IMPG2: variants seen among roughly 807,000 people sequenced by gnomAD.
IMPG2 encodes IPM 200.
Under a neutral mutation model 129.2 loss-of-function variants are expected in IMPG2, and 91 were observed. The ratio of observed to expected loss-of-function variants is 0.70; its 90% CI spans 0.59 to 0.84. The LOEUF is 0.84. Ranked by LOEUF, IMPG2 falls within the 40% of genes least tolerant of loss-of-function variation. IMPG2 has a pLI of 0.00. For missense variants in IMPG2, 1,430 were observed against 1,461.7 expected (o/e 0.98, Z 0.35); for synonymous variants, 510 against 517.7 (o/e 0.99, Z 0.20).
At chr3:101,238,810 A>G (rs1706375063) in intron 14 of IMPG2, among the ~76,000 whole-genome samples, 1 of 152,218 alleles carries the variant, frequency 6.6e-6, no homozygotes, top group South Asian at 2.1e-4. Context: ...AACTGCATCT[A>G]CTAACGGGCA....
Position 101,319,724 on chromosome 3 carries a change from G to T in IMPG2, c.194C>A (p.Pro65His). 6.2e-7 allele frequency: 1 copy of T among 1,613,644 alleles called. No individual in the cohort carries two copies. The highest frequency in any genetic ancestry group is 1.1e-5 in the South Asian group (1 of 91,070). The change falls in exon 2 of 19, where the codon CCT (proline) becomes CAT (histidine). Residue 65 changes from proline to histidine, a missense_variant. Physicochemically the swap from Pro to His is moderately conservative, Grantham distance 77 (BLOSUM62 -2). Coordinates refer to ENST00000193391, the MANE Select transcript of IMPG2 (RefSeq NM_016247.4). ...TCTTTCAGTTTCTCTGCGGTCCAGA[G>T]GCTGTTTCTTTTTGGTAGCTAGAGA... is the stretch of plus-strand genomic sequence containing the variant. ...DLSLATKKKQ[P>H]LDRRETERQW...
rs753379634 is a variant in IMPG2, at chr3:101,269,539, T to C, written c.863A>G (p.Lys288Arg). The stretch of plus-strand genomic sequence containing the variant: ...CCTAAATTCAAGTACACGAATTTCC[T>C]TGTAGCCTGGTAACCCAGTAAATGC... Reference protein sequence around the residue: ...ENAFTGLPGYKEIRVLEFRSP... With the variant: ...ENAFTGLPGYREIRVLEFRSP... The change falls in exon 8 of 19, where the codon AAG (lysine) becomes AGG (arginine). Residue 288 changes from lysine to arginine, a missense_variant. Lys to Arg is a conservative substitution (Grantham distance 26). Transcript: ENST00000193391. 6.3e-6 allele frequency: 10 copies of C among 1,594,932 alleles called. No homozygotes were observed. Among genetic ancestry groups the C allele is most frequent in the Non-Finnish European group, 8.6e-6 (10 of 1,162,836 alleles).
intron 9 of IMPG2, among the ~76,000 whole-genome samples, chr3:101,265,556 G>A (rs1350497013): frequency 1.3e-5 from 2 of 152,010 alleles, no homozygotes; most frequent in African/African-American, 2.4e-5. Context: ...ACTCAAAATA[G>A]ATCAAAGACC....
intron 4 of IMPG2, among the ~76,000 whole-genome samples, chr3:101,289,467 A>C (rs898079939): frequency 3.3e-5 from 5 of 152,196 alleles, no homozygotes; most frequent in African/African-American, 1.2e-4. Flanking sequence ...TAAAATATCT[A>C]GTATACTGTA....
chr3:101,298,353 T>A (rs1707103421), intron 3 of IMPG2, among the ~76,000 whole-genome samples: 1 of 151,826 alleles, frequency 6.6e-6, no homozygotes, highest in Non-Finnish European at 1.5e-5. Flanking sequence ...TTTATCCAAT[T>A]TGCCTGTCTG....
intron 2 of IMPG2, among the ~76,000 whole-genome samples, chr3:101,309,034 T>C (rs1185450530): frequency 1.3e-5 from 2 of 152,106 alleles, no homozygotes; most frequent in Admixed American, 1.3e-4. Context: ...ACATAGTGAG[T>C]CACCTTTATT....
At chr3:101,229,339 A>C in intron 17 of IMPG2, 41 bp downstream of exon 17, 1 of 801,618 alleles carries the variant, frequency 1.2e-6, no homozygotes, top group Non-Finnish European at 1.9e-6. Context: ...CACACACACC[A>C]GCAGTAGCTG....
At position 101,245,944 on chromosome 3, in the gene IMPG2, G is replaced by C; in HGVS notation, c.1401C>G (p.Pro467=). 1 of 1,614,114 alleles carries C rather than the reference G, an allele frequency of 6.2e-7. No individual in the cohort carries two copies. The highest frequency in any genetic ancestry group is 1.1e-5 in the South Asian group (1 of 91,084). ...DLVSTHKLAF[P]SKMGLSSSPE... is the part of the protein sequence containing the mutation. ...GGGAAGAGCTGAGGCCCATCTTCGA[G>C]GGAAAGGCTAATTTGTGTGTAGACA... The change falls in exon 12 of 19, where the codon CCC becomes CCG. Residue 467 remains proline (P), a synonymous_variant. Coordinates refer to ENST00000193391, the MANE Select transcript of IMPG2 (RefSeq NM_016247.4).
intron 2 of IMPG2, among the ~76,000 whole-genome samples, chr3:101,307,970 A>AGAAATTGGCC (rs1205225228): frequency 1.3e-5 from 2 of 152,204 alleles, no homozygotes; most frequent in African/African-American, 4.8e-5. Context: ...TGCAAATGGG[A>AGAAATTGGCC]GAAATTGGCC....
At chr3:101,310,580 AAAAAAAAAAG>A (rs1243982365) in intron 2 of IMPG2, among the ~76,000 whole-genome samples, 12 of 62,734 alleles carry the variant, frequency 1.9e-4, no homozygotes, top group Non-Finnish European at 3.3e-4. Context: ...AAAAAAAAAA[AAAAAAAAAAG>A]ATGGTTACAG....
chr3:101,245,074 GCT>G (rs1406595930), intron 12 of IMPG2, among the ~76,000 whole-genome samples: 2 of 151,574 alleles, frequency 1.3e-5, no homozygotes, highest in South Asian at 4.2e-4. Context: ...ATAAAGAACT[GCT>G]GGTAGTAATT....
chr3:101,228,772 G>A (rs747179541), intron 18 of IMPG2, 25 bp downstream of exon 18: 1 of 1,584,096 alleles, frequency 6.3e-7, no homozygotes, highest in South Asian at 1.1e-5. Context: ...GTAGGTCGGG[G>A]TGGGGGGCTG....
At chr3:101,289,651 C>A (rs547346355) in intron 4 of IMPG2, among the ~76,000 whole-genome samples, 2 of 151,782 alleles carry the variant, frequency 1.3e-5, no homozygotes, top group Admixed American at 6.6e-5. Flanking sequence ...AAGAGCCTTG[C>A]GGGTCATGTT....
At chr3:101,264,508 T>C (rs189448642) in intron 9 of IMPG2, among the ~76,000 whole-genome samples, 1 of 152,072 alleles carries the variant, frequency 6.6e-6, no homozygotes, top group African/African-American at 2.4e-5. Context: ...CATGCCTTCA[T>C]GATTAAAACC....
At chr3:101,256,197 G>GAAAGAAAGA (rs1706604384) in intron 10 of IMPG2, among the ~76,000 whole-genome samples, 1 of 148,498 alleles carries the variant, frequency 6.7e-6, no homozygotes, top group African/African-American at 2.5e-5. Flanking sequence ...AAGAAAGAAA[G>GAAAGAAAGA]AAAGAAAGAA....
At chr3:101,277,450 T>A (rs1293999537) in intron 4 of IMPG2, among the ~76,000 whole-genome samples, 2 of 152,230 alleles carry the variant, frequency 1.3e-5, no homozygotes, top group Admixed American at 1.3e-4. Context: ...GTTACAGTCT[T>A]ATAGAAATTA....
Position 101,273,674 on chromosome 3 carries a change from G to T in IMPG2, c.735C>A (p.Phe245Leu). 2 of 1,614,076 alleles carry T rather than the reference G, an allele frequency of 1.2e-6. No individual in the cohort carries two copies. Among genetic ancestry groups the T allele is most frequent in the Non-Finnish European group, 1.7e-6 (2 of 1,179,954 alleles). Residue 245 changes from phenylalanine (F) to leucine (L), a missense_variant, in exon 7 of 19, where the codon TTC (phenylalanine) becomes TTA (leucine). Coordinates refer to ENST00000193391, the MANE Select transcript of IMPG2 (RefSeq NM_016247.4). ...ACTGCTTCCCCAAAAGGTGGATACT[G>T]AATTCTGCAATCTGTTCACCTGCTG... ...TKPAGEQIAE[F>L]SIHLLGKQYR...
chr3:101,233,501 G>C (rs1458280714), intron 14 of IMPG2, among the ~76,000 whole-genome samples: 1 of 152,160 alleles, frequency 6.6e-6, no homozygotes, highest in African/African-American at 2.4e-5. Flanking sequence ...AGCCCAGTAA[G>C]AGCAGCCTAG....
intron 14 of IMPG2, among the ~76,000 whole-genome samples, chr3:101,236,195 C>G (rs955528480): frequency 6.6e-6 from 1 of 152,134 alleles, no homozygotes; most frequent in Non-Finnish European, 1.5e-5. Context: ...AAACTCAGAA[C>G]TGGGGAGGAT....
Sources: allele counts gnomAD v4.1 joint callset (sites outside exome capture counted in the v4.1 genomes callset), GRCh38; gene constraint gnomAD v4.1.1; transcripts MANE v1.5; gene names NCBI Gene and HGNC (gene_info 2026-07-23, HGNC 2026-07-21).